The following SAMMSON variants were observed in gnomAD, a reference collection of about 807,000 sequenced individuals.
SAMMSON encodes survival associated mitochondrial melanoma specific oncogenic non-coding RNA, also known as long intergenic non-protein coding RNA 1212.
At chr3:70,192,229 A>G (rs76177340) in intron 4 of SAMMSON, among the ~76,000 whole-genome samples, 2 of 152,186 alleles carry the variant, frequency 1.3e-5, no homozygotes, top group East Asian at 3.9e-4. Context: ...ATACTCCTTT[A>G]TAGCTGTGCA....
At chr3:70,424,182 T>C (rs1347273832) in intron 2 of SAMMSON, among the ~76,000 whole-genome samples, 5 of 152,242 alleles carry the variant, frequency 3.3e-5, no homozygotes, top group Non-Finnish European at 7.3e-5. Flanking sequence ...GAATAAGTTT[T>C]AATATTCCAC....
intron 6 of SAMMSON, among the ~76,000 whole-genome samples, chr3:70,267,394 CTTTTTTTT>C (rs9310185): frequency 1.3e-5 from 1 of 74,846 alleles, no homozygotes; most frequent in Non-Finnish European, 2.3e-5. Context: ...TTTTTAATAG[CTTTTTTTT>C]TTTTTTTTTT....
chr3:70,303,836 C>T (rs1702374011), intron 7 of SAMMSON, among the ~76,000 whole-genome samples: 1 of 152,098 alleles, frequency 6.6e-6, no homozygotes, highest in South Asian at 2.1e-4. Flanking sequence ...CATGTGCCAC[C>T]ATGCCTGTGT....
intron 4 of SAMMSON, among the ~76,000 whole-genome samples, chr3:70,122,638 A>AC (rs1553640870): frequency 3.3e-5 from 5 of 151,960 alleles, no homozygotes; most frequent in Admixed American, 2.0e-4. Context: ...AGTGAAAAAA[A>AC]CATGTTTTTT....
chr3:70,318,005 A>G (rs1185006601), intron 7 of SAMMSON, among the ~76,000 whole-genome samples: 1 of 151,352 alleles, frequency 6.6e-6, no homozygotes, highest in Non-Finnish European at 1.5e-5. Flanking sequence ...CTCTATATCT[A>G]ATGTGTCTTT....
chr3:70,117,601 G>A (rs1173174963), intron 4 of SAMMSON, among the ~76,000 whole-genome samples: 1 of 152,064 alleles, frequency 6.6e-6, no homozygotes. Flanking sequence ...TCTTTTAAGA[G>A]TTGAAAATAA....
intron 7 of SAMMSON, among the ~76,000 whole-genome samples, chr3:70,346,869 A>T (rs754678580): frequency 3.9e-5 from 6 of 152,216 alleles, no homozygotes; most frequent in Non-Finnish European, 8.8e-5. Context: ...TCAAGGATGC[A>T]GCACCATCTC....
At chr3:70,353,798 C>A (rs1486555993) in intron 7 of SAMMSON, among the ~76,000 whole-genome samples, 1 of 152,166 alleles carries the variant, frequency 6.6e-6, no homozygotes, top group Non-Finnish European at 1.5e-5. Flanking sequence ...TTCATAATAA[C>A]CCCAAAACTG....
At chr3:70,119,730 A>G (rs1175847497) in intron 4 of SAMMSON, among the ~76,000 whole-genome samples, 2 of 152,188 alleles carry the variant, frequency 1.3e-5, no homozygotes. Flanking sequence ...AAATGTTTTT[A>G]ATTTGTGTGT....
chr3:70,013,860 T>A (rs1033079253), intron 3 of SAMMSON: 10 of 152,114 alleles, frequency 6.6e-5, no homozygotes, highest in African/African-American at 2.2e-4. Context: ...GTTGAAACTT[T>A]GGAGGGATAA....
intron 4 of SAMMSON, among the ~76,000 whole-genome samples, chr3:70,136,959 A>G (rs928242082): frequency 1.3e-5 from 2 of 152,182 alleles, no homozygotes; most frequent in African/African-American, 4.8e-5. Context: ...ATATGATAAA[A>G]CTTTTTTTGA....
intron 7 of SAMMSON, among the ~76,000 whole-genome samples, chr3:70,335,701 G>A (rs910557634): frequency 2.0e-5 from 3 of 151,946 alleles, no homozygotes; most frequent in Non-Finnish European, 4.4e-5. Flanking sequence ...TCATGCTTGC[G>A]AAGTATTGAA....
At chr3:70,365,869 T>C (rs1472675783) in intron 9 of SAMMSON, among the ~76,000 whole-genome samples, 1 of 151,560 alleles carries the variant, frequency 6.6e-6, no homozygotes, top group African/African-American at 2.4e-5. Flanking sequence ...TTAAAATTCC[T>C]CCCTTGTGCT....
At chr3:70,039,013 G>A (rs1173460605) in intron 3 of SAMMSON, among the ~76,000 whole-genome samples, 1 of 152,112 alleles carries the variant, frequency 6.6e-6, no homozygotes, top group Non-Finnish European at 1.5e-5. Context: ...TATGTTATAT[G>A]TGATTTTTGA....
chr3:70,307,926 T>C (rs997288505), intron 7 of SAMMSON, among the ~76,000 whole-genome samples: 4 of 152,236 alleles, frequency 2.6e-5, no homozygotes. Flanking sequence ...CAGCCTCTGA[T>C]GCCTTTGCTC....
At chr3:70,183,851 G>A (rs1161367817) in intron 4 of SAMMSON, 2 of 152,174 alleles carry the variant, frequency 1.3e-5, no homozygotes, top group Non-Finnish European at 2.9e-5. Flanking sequence ...TATCTATTTA[G>A]AGAGATGGCG....
intron 7 of SAMMSON, among the ~76,000 whole-genome samples, chr3:70,348,233 A>G (rs2106733152): frequency 6.6e-6 from 1 of 152,306 alleles, no homozygotes; most frequent in Admixed American, 6.5e-5. Context: ...TGAATAAGAA[A>G]TGTGAGATTT....
At chr3:70,396,322 G>T (rs537382959) in intron 2 of SAMMSON, among the ~76,000 whole-genome samples, 6 of 152,274 alleles carry the variant, frequency 3.9e-5, no homozygotes, top group Admixed American at 3.9e-4. Flanking sequence ...CTTCTACAAT[G>T]ATTTTCAAAT....
At chr3:70,320,004 G>A (rs1389135476) in intron 7 of SAMMSON, among the ~76,000 whole-genome samples, 5 of 151,880 alleles carry the variant, frequency 3.3e-5, no homozygotes, top group Non-Finnish European at 7.4e-5. Flanking sequence ...CATCCAACAT[G>A]GTGTCCGAGT....
Sources: allele counts gnomAD v4.1 joint callset (sites outside exome capture counted in the v4.1 genomes callset), GRCh38; gene constraint gnomAD v4.1.1; transcripts MANE v1.5; gene names NCBI Gene and HGNC (gene_info 2026-07-23, HGNC 2026-07-21).